NREP: variants seen among roughly 807,000 people sequenced by gnomAD.
The protein encoded by NREP is neuronal regeneration-related protein.
Under a neutral mutation model 8.6 loss-of-function variants are expected in NREP, and 5 were observed. That is an observed-to-expected ratio of 0.58 (90% CI 0.30 to 1.22). The LOEUF (loss-of-function observed/expected upper bound fraction) is 1.22, where lower values mean the gene tolerates loss of function less well. Ranked by LOEUF, NREP falls within the 50% of genes most tolerant of loss-of-function variation. The pLI is 0.07. For synonymous variants in NREP, 27 were observed against 28.0 expected (o/e 0.96, Z 0.11); for missense variants, 86 against 82.5 (o/e 1.04, Z -0.17).
intron 2 of NREP, among the ~76,000 whole-genome samples, chr5:111,844,433 ATATT>A (rs1170672379): frequency 6.6e-6 from 1 of 151,494 alleles, no homozygotes; most frequent in African/African-American, 2.4e-5. Context: ...ATGAATATTT[ATATT>A]TATGCACAAT....
chr5:111,842,899 C>T (rs1223355579), intron 2 of NREP, among the ~76,000 whole-genome samples: 2 of 152,200 alleles, frequency 1.3e-5, no homozygotes, highest in African/African-American at 4.8e-5. Flanking sequence ...TTATTCCACT[C>T]TTCCTGGCTA....
chr5:111,776,860 A>G (rs1012663635), intron 2 of NREP, among the ~76,000 whole-genome samples: 2 of 152,200 alleles, frequency 1.3e-5, no homozygotes, highest in African/African-American at 4.8e-5. Flanking sequence ...GGTGTTTACA[A>G]AGGTATATAA....
At chr5:111,975,598 G>C (rs190815153) in intron 1 of NREP, among the ~76,000 whole-genome samples, 2 of 152,022 alleles carry the variant, frequency 1.3e-5, no homozygotes, top group African/African-American at 4.8e-5. Flanking sequence ...TTTAGAAAGG[G>C]GTGTGGTTCT....
intron 2 of NREP, among the ~76,000 whole-genome samples, chr5:111,866,743 C>T (rs1452842869): frequency 6.6e-6 from 1 of 152,016 alleles, no homozygotes; most frequent in Non-Finnish European, 1.5e-5. Flanking sequence ...TTGGAACCAA[C>T]CCAAATGTCC....
At chr5:111,951,702 T>G (rs967199701) in intron 2 of NREP, among the ~76,000 whole-genome samples, 7 of 152,188 alleles carry the variant, frequency 4.6e-5, no homozygotes, top group African/African-American at 1.7e-4. Context: ...TTCATTCCCC[T>G]CAATAATATA....
intron 2 of NREP, among the ~76,000 whole-genome samples, chr5:111,865,735 C>A (rs1369452047): frequency 6.6e-6 from 1 of 152,104 alleles, no homozygotes; most frequent in Non-Finnish European, 1.5e-5. Flanking sequence ...AAGCTGAATT[C>A]TAATTGCATG....
intron 2 of NREP, among the ~76,000 whole-genome samples, chr5:111,802,656 C>T (rs182942923): frequency 6.6e-6 from 1 of 152,102 alleles, no homozygotes; most frequent in Admixed American, 6.5e-5. Context: ...TGAATGTTAG[C>T]CAAAACAAAT....
chr5:111,766,047 C>T (rs1415610544), intron 2 of NREP, among the ~76,000 whole-genome samples: 1 of 152,198 alleles, frequency 6.6e-6, no homozygotes, highest in East Asian at 1.9e-4. Flanking sequence ...CTCCCCACTT[C>T]ACAGACATAT....
intron 2 of NREP, among the ~76,000 whole-genome samples, chr5:111,824,055 G>T (rs917268777): frequency 6.6e-6 from 1 of 152,140 alleles, no homozygotes; most frequent in Non-Finnish European, 1.5e-5. Flanking sequence ...AGGTAAGAGT[G>T]GCACTAATGG....
chr5:111,937,428 A>G (rs1381429037), intron 2 of NREP, among the ~76,000 whole-genome samples: 1 of 152,074 alleles, frequency 6.6e-6, no homozygotes, highest in Non-Finnish European at 1.5e-5. Context: ...GTATGAAGTA[A>G]AGATTATTCC....
intron 2 of NREP, among the ~76,000 whole-genome samples, chr5:111,751,694 T>G (rs534287139): frequency 1.4e-4 from 22 of 152,214 alleles, no homozygotes; most frequent in Admixed American, 4.6e-4. Context: ...TATCCCTAGT[T>G]TTTTCTTGTA....
intron 2 of NREP, among the ~76,000 whole-genome samples, chr5:111,821,243 T>C (rs1157732940): frequency 6.6e-6 from 1 of 152,186 alleles, no homozygotes; most frequent in Non-Finnish European, 1.5e-5. Flanking sequence ...TGTTATATTA[T>C]TTTTGTATTC....
chr5:111,878,468 C>G (rs1315506644), intron 2 of NREP, among the ~76,000 whole-genome samples: 1 of 152,110 alleles, frequency 6.6e-6, no homozygotes, highest in Admixed American at 6.6e-5. Flanking sequence ...AAGAACAGCA[C>G]GGGGGACACT....
At chr5:111,735,301 C>T (rs901115993) in intron 3 of NREP, 129 bp downstream of exon 3, 1 of 569,894 alleles carries the variant, frequency 1.8e-6, no homozygotes, top group Non-Finnish European at 3.1e-6. Flanking sequence ...CCAAGGTCAT[C>T]ATAGTATCAG....
chr5:111,933,878 G>T (rs1755610759), intron 2 of NREP, among the ~76,000 whole-genome samples: 2 of 152,010 alleles, frequency 1.3e-5, no homozygotes, highest in Admixed American at 1.3e-4. Flanking sequence ...AACCAGAAAG[G>T]GTCTGTAACC....
intron 2 of NREP, among the ~76,000 whole-genome samples, chr5:111,826,243 T>G (rs1752622162): frequency 6.6e-6 from 1 of 152,132 alleles, no homozygotes. Flanking sequence ...CAGCAGTCTG[T>G]AAAATGGACC....
intron 2 of NREP, among the ~76,000 whole-genome samples, chr5:111,930,836 A>G (rs1242424810): frequency 6.6e-6 from 1 of 152,166 alleles, no homozygotes; most frequent in Non-Finnish European, 1.5e-5. Flanking sequence ...GTGGTCAAGG[A>G]GTTAAGACAG....
rs140497997 is a variant in NREP, at chr5:111,895,549, G to A, written c.135+79725C>T. ...CACGAGGGCCAGTGCAACATAATGA[G>A]TGAGGGAGAGGATAGTATGGGTGAG... On this transcript the variant is annotated intron_variant, in intron 2 of 3. Coordinates refer to the NREP transcript ENST00000395634. 5.4e-4 allele frequency among the ~76,000 whole-genome samples: 82 copies of A among 152,254 alleles called. 2 individuals carry two copies. Among genetic ancestry groups the A allele is most frequent in the African/African-American group, 1.8e-3 (73 of 41,546 alleles).
intron 2 of NREP, among the ~76,000 whole-genome samples, chr5:111,951,727 C>T (rs935664647): frequency 6.6e-6 from 1 of 151,996 alleles, no homozygotes; most frequent in African/African-American, 2.4e-5. Flanking sequence ...TATATTCATT[C>T]TCCTTGTTCC....
Sources: allele counts gnomAD v4.1 joint callset (sites outside exome capture counted in the v4.1 genomes callset), GRCh38; gene constraint gnomAD v4.1.1; transcripts MANE v1.5; gene names NCBI Gene and HGNC (gene_info 2026-07-23, HGNC 2026-07-21).